PTPRG: variants seen among roughly 807,000 people sequenced by gnomAD.
The protein encoded by PTPRG is protein tyrosine phosphatase receptor type G.
A neutral mutation model predicts 165.3 loss-of-function variants in PTPRG; 102 were observed. The observed-to-expected ratio is 0.62, with a 90% CI of 0.53 to 0.73. The LOEUF (loss-of-function observed/expected upper bound fraction) is 0.73. Ranked by LOEUF, PTPRG falls within the 30% of genes least tolerant of loss-of-function variation. The pLI is 0.00. For synonymous variants in PTPRG, 675 were observed against 669.5 expected, an observed-to-expected ratio of 1.01 and a Z score of -0.13; for missense variants, 1,866 against 1,861.4, an observed-to-expected ratio of 1.00 and a Z score of -0.05.
intron 1 of PTPRG, among the ~76,000 whole-genome samples, chr3:61,584,918 T>C (rs1171003010): frequency 6.6e-6 from 1 of 152,226 alleles, no homozygotes; most frequent in Non-Finnish European, 1.5e-5. Context: ...GGGATGTCAT[T>C]CTAATCTCCA....
rs149092237 is a variant in PTPRG, at chr3:62,185,332, C to G, written c.1034-6137C>G. Among the ~76,000 whole-genome samples, 979 of 152,252 alleles carry G rather than the reference C, an allele frequency of 6.4e-3. 10 individuals carry two copies. Among genetic ancestry groups the G allele is most frequent in the African/African-American group, 0.023 (948 of 41,536 alleles). On this transcript the variant is annotated intron_variant, in intron 8 of 29. Transcript: ENST00000474889. ...TTAGAGATCCGGGTGTGGCACCTCC[C>G]GCATGGTTAAAAGGCTTCAATTTTG...
chr3:62,296,009 C>CTGTT lies in PTPRG; in HGVS notation c.*2706_*2709dup, dbSNP rs1486289005. 6.6e-6 allele frequency: 1 copy of CTGTT among 151,952 alleles called. No homozygotes were observed. Among genetic ancestry groups the CTGTT allele is most frequent in the Non-Finnish European group, 1.5e-5 (1 of 67,974 alleles). 9.4% of individuals were successfully genotyped at this position (151,952 alleles called of 1,614,324 possible). A position where few individuals can be genotyped will look rare whatever the true frequency, so the allele number is the denominator to read the frequency against. The stretch of plus-strand genomic sequence containing the variant: ...AATGTGTGCAACTTAATAAAATAAG[C>CTGTT]TGTTTGTGTATATGAATTTAGCTCT... On this transcript the variant is annotated 3_prime_UTR_variant, in exon 30 of 30. Transcript: ENST00000474889.
At chr3:62,125,176 C>A (rs1703241674) in intron 5 of PTPRG, among the ~76,000 whole-genome samples, 2 of 152,280 alleles carry the variant, frequency 1.3e-5, no homozygotes, top group South Asian at 4.2e-4. Flanking sequence ...ACATATGATA[C>A]CTACATGATA....
intron 16 of PTPRG, among the ~76,000 whole-genome samples, chr3:62,257,501 G>C (rs1024568163): frequency 2.6e-4 from 40 of 152,220 alleles, no homozygotes; most frequent in Non-Finnish European, 1.2e-4. Flanking sequence ...CCTGAGGTAG[G>C]TGTATCTTAT....
At chr3:62,039,644 CATAG>C (rs1700063527) in intron 4 of PTPRG, among the ~76,000 whole-genome samples, 1 of 152,130 alleles carries the variant, frequency 6.6e-6, no homozygotes, top group Admixed American at 6.5e-5. Context: ...AAGTTAATTT[CATAG>C]ATAGATCATT....
chr3:61,923,692 A>ATTTTTT (rs71123241), intron 2 of PTPRG, among the ~76,000 whole-genome samples: 5 of 100,876 alleles, frequency 5.0e-5, no homozygotes, highest in African/African-American at 7.9e-5. Context: ...TATTTTTTGT[A>ATTTTTT]TTTTTTTTTT....
chr3:62,022,490 C>T (rs963911057), intron 4 of PTPRG, among the ~76,000 whole-genome samples: 9 of 152,106 alleles, frequency 5.9e-5, no homozygotes, highest in African/African-American at 2.2e-4. Flanking sequence ...CAGGTTTTAC[C>T]CAACAGGCAT....
intron 25 of PTPRG, 46 bp downstream of exon 25, chr3:62,277,094 G>A (rs753360547): frequency 2.7e-6 from 4 of 1,491,412 alleles, no homozygotes; most frequent in Non-Finnish European, 3.7e-6. Context: ...TAAACTGAAA[G>A]GTGTTAAAGA....
chr3:61,742,423 T>TTTTA, intron 1 of PTPRG: 8 of 1,283,548 alleles, frequency 6.2e-6, no homozygotes, highest in Non-Finnish European at 8.3e-6. Context: ...TTTTTTTTTT[T>TTTTA]GAACTGGTAA....
chr3:62,288,693 G>C (rs547875565), intron 28 of PTPRG, among the ~76,000 whole-genome samples: 1 of 150,938 alleles, frequency 6.6e-6, no homozygotes, highest in Non-Finnish European at 1.5e-5. Context: ...AAAAAAATTC[G>C]AAAGTTGTTA....
At chr3:61,920,155 A>G (rs905218191) in intron 2 of PTPRG, among the ~76,000 whole-genome samples, 3 of 152,170 alleles carry the variant, frequency 2.0e-5, no homozygotes, top group Admixed American at 6.5e-5. Flanking sequence ...TTCTAGAACA[A>G]ACTCTCCCTC....
chr3:61,871,163 G>GTGTTGTGTTGTGTTGTGTTA (rs2037566160), intron 2 of PTPRG, among the ~76,000 whole-genome samples: 1 of 116,582 alleles, frequency 8.6e-6, no homozygotes, highest in Admixed American at 8.9e-5. Flanking sequence ...GTGTTGTGTT[G>GTGTTGTGTTGTGTTGTGTTA]TGTTATGTTA....
At chr3:61,810,647 C>A (rs60996295) in intron 2 of PTPRG, among the ~76,000 whole-genome samples, 2,020 of 152,314 alleles carry the variant, frequency 0.013, 49 homozygotes, top group African/African-American at 0.046. Flanking sequence ...GGCCACCCAA[C>A]TCCTACCTCT....
Position 62,162,601 on chromosome 3 carries a change from G to T in PTPRG, c.841-5370G>T, listed in dbSNP as rs1031548154. On this transcript the variant is annotated intron_variant, in intron 7 of 29. Coordinates refer to ENST00000474889, the MANE Select transcript of PTPRG (RefSeq NM_002841.4). Reference sequence around the variant, plus strand: ...CATGCCTCCCAGTTCTTTCTGCGTTGGGCTATTGGCAGTTTCTATTCAGAG... The same window carrying T: ...CATGCCTCCCAGTTCTTTCTGCGTTTGGCTATTGGCAGTTTCTATTCAGAG... 3.3e-5 allele frequency among the ~76,000 whole-genome samples: 5 copies of T among 152,242 alleles called. No homozygotes were observed. In the East Asian group the frequency reaches 9.7e-4, roughly 29 times the overall value.
intron 6 of PTPRG, among the ~76,000 whole-genome samples, chr3:62,154,890 T>C (rs1194422511): frequency 1.3e-5 from 2 of 152,176 alleles, no homozygotes; most frequent in East Asian, 3.9e-4. Flanking sequence ...TGCCAAGCCC[T>C]ACCCACACCC....
chr3:61,663,512 A>G (rs1162226466), intron 1 of PTPRG, among the ~76,000 whole-genome samples: 2 of 152,174 alleles, frequency 1.3e-5, no homozygotes, highest in Non-Finnish European at 2.9e-5. Flanking sequence ...CCTTTTTGGC[A>G]TCAGGGACCA....
At chr3:62,155,818 G>A (rs1704515792) in intron 6 of PTPRG, among the ~76,000 whole-genome samples, 1 of 152,120 alleles carries the variant, frequency 6.6e-6, no homozygotes, top group Non-Finnish European at 1.5e-5. Context: ...AGGAAGGAAG[G>A]AGGAGGTATG....
chr3:61,766,363 T>A (rs1296152464), intron 2 of PTPRG, among the ~76,000 whole-genome samples: 1 of 152,192 alleles, frequency 6.6e-6, no homozygotes, highest in Non-Finnish European at 1.5e-5. Context: ...CCAGACTAAT[T>A]CCAAAAGAGT....
rs565759513 is a variant in PTPRG, at chr3:61,772,827, T to C, written c.190+23845T>C. Among the ~76,000 whole-genome samples, 230 of 152,302 alleles carry C rather than the reference T, an allele frequency of 1.5e-3. 1 individual carries two copies. Among genetic ancestry groups the C allele is most frequent in the African/African-American group, 4.1e-3 (169 of 41,554 alleles). Reference sequence around the variant, plus strand: ...GGTGCGTTTATTTTTGTAGGAGAGATGGTCAAAAATAGGGTTGCTAGATCA... The same window carrying C: ...GGTGCGTTTATTTTTGTAGGAGAGACGGTCAAAAATAGGGTTGCTAGATCA... On this transcript the variant is annotated intron_variant, in intron 2 of 29. Coordinates refer to ENST00000474889, the MANE Select transcript of PTPRG (RefSeq NM_002841.4).
Sources: gnomAD v4.1 joint callset for allele counts (sites outside exome capture counted in the v4.1 genomes callset) on GRCh38, gnomAD v4.1.1 for gene constraint, MANE v1.5 for transcripts, NCBI Gene and HGNC (gene_info 2026-07-23, HGNC 2026-07-21) for gene names.